PRKCI: variants seen among roughly 807,000 people sequenced by gnomAD.
PRKCI encodes the protein protein kinase C iota.
Under a neutral mutation model 84.0 loss-of-function variants are expected in PRKCI, and 43 were observed. That is an observed-to-expected ratio of 0.51 (90% CI 0.40 to 0.66). PRKCI has a LOEUF of 0.66. Ranked by LOEUF, PRKCI falls within the 30% of genes least tolerant of loss-of-function variation. The pLI is 0.00. For missense variants in PRKCI, 459 were observed against 745.6 expected, an observed-to-expected ratio of 0.62 and a Z score of 4.48; for synonymous variants, 216 against 234.4, an observed-to-expected ratio of 0.92 and a Z score of 0.72.
Position 170,281,255 on chromosome 3 carries a change from A to G in PRKCI, c.972A>G (p.Thr324=). 5 of 1,612,898 alleles carry G rather than the reference A, an allele frequency of 3.1e-6. No homozygotes were observed. The highest frequency in any genetic ancestry group is 4.2e-6 in the Non-Finnish European group (5 of 1,179,008). ...FLVGLHSCFQ[T]ESRLFFVIEY... ...TTGGGCTGCATTCTTGCTTTCAGAC[A>G]GAAAGCAGGTAAGATTGAAAGATAG... The change falls in exon 10 of 18, where the codon ACA becomes ACG. Residue 324 remains threonine (T), a synonymous_variant. Coordinates refer to ENST00000295797, the MANE Select transcript of PRKCI (RefSeq NM_002740.6).
chr3:170,282,029 C>T, intron 11 of PRKCI, 61 bp downstream of exon 11: 1 of 1,548,176 alleles, frequency 6.5e-7, no homozygotes, highest in Non-Finnish European at 8.8e-7. Context: ...TTTTTATGTG[C>T]AGTGGTTGGA....
chr3:170,233,846 A>C (rs1411385388), intron 1 of PRKCI, among the ~76,000 whole-genome samples: 1 of 150,628 alleles, frequency 6.6e-6, no homozygotes, highest in African/African-American at 2.4e-5. Flanking sequence ...TCAGCCTCCC[A>C]GGTAGCTGGG....
At position 170,282,053 on chromosome 3, in the gene PRKCI, T is replaced by C. The variant is rs529367164; in HGVS notation, c.1067+85T>C. 16 of 1,382,884 alleles carry C rather than the reference T, an allele frequency of 1.2e-5. No homozygotes were observed. The East Asian group carries it at 3.3e-4, about 29-fold the overall frequency. The allele number at this position is 1,382,884 out of a possible 1,614,324, so 85.7% of individuals were successfully genotyped here. On this transcript the variant is annotated intron_variant, in intron 11 of 17. Transcript: ENST00000295797. ...GCAGTGGTTGGAAACAGTAGATAAA[T>C]AATTTATTTTGATACTAGTTAATTA...
chr3:170,258,478 G>A (rs1733643081), intron 2 of PRKCI, among the ~76,000 whole-genome samples: 1 of 151,726 alleles, frequency 6.6e-6, no homozygotes, highest in African/African-American at 2.4e-5. Flanking sequence ...GCTAATTTTT[G>A]TATTTTTAGT....
At chr3:170,264,942 T>C (rs1483076779) in intron 4 of PRKCI, among the ~76,000 whole-genome samples, 2 of 151,918 alleles carry the variant, frequency 1.3e-5, no homozygotes, top group African/African-American at 4.8e-5. Context: ...CCCTAGCACT[T>C]TGGGAGGCTG....
chr3:170,289,265 C>T (rs1734476734), intron 12 of PRKCI, among the ~76,000 whole-genome samples: 1 of 152,116 alleles, frequency 6.6e-6, no homozygotes, highest in South Asian at 2.1e-4. Context: ...ATTCATATTT[C>T]TAAAAATAGC....
intron 2 of PRKCI, among the ~76,000 whole-genome samples, chr3:170,242,623 A>G (rs1733164045): frequency 6.6e-6 from 1 of 151,868 alleles, no homozygotes; most frequent in Non-Finnish European, 1.5e-5. Context: ...ACATTATTAC[A>G]TTATTTATAA....
chr3:170,252,594 CT>C (rs1271696517), intron 2 of PRKCI, among the ~76,000 whole-genome samples: 2 of 150,760 alleles, frequency 1.3e-5, no homozygotes, highest in African/African-American at 4.9e-5. Flanking sequence ...TTCTTTTTTA[CT>C]TTTTCTAACC....
intron 9 of PRKCI, among the ~76,000 whole-genome samples, chr3:170,280,866 G>T (rs754671327): frequency 6.6e-5 from 10 of 151,912 alleles, no homozygotes; most frequent in Admixed American, 1.3e-4. Flanking sequence ...CTTATAGATG[G>T]TATAAGATAT....
chr3:170,247,559 C>T (rs187918296), intron 2 of PRKCI, among the ~76,000 whole-genome samples: 70 of 151,340 alleles, frequency 4.6e-4, no homozygotes, highest in African/African-American at 1.5e-3. Flanking sequence ...GGAGAAATGC[C>T]GTCTCTACTA....
intron 2 of PRKCI, among the ~76,000 whole-genome samples, chr3:170,258,409 G>T (rs114130793): frequency 6.6e-6 from 1 of 151,804 alleles, no homozygotes; most frequent in Non-Finnish European, 1.5e-5. Context: ...AGGTTCAAGC[G>T]ATTCTTCTGC....
At chr3:170,247,513 C>T (rs1366893467) in intron 2 of PRKCI, among the ~76,000 whole-genome samples, 1 of 151,438 alleles carries the variant, frequency 6.6e-6, no homozygotes, top group East Asian at 1.9e-4. Flanking sequence ...GGCGGATCAC[C>T]TGAGGTCGGG....
intron 1 of PRKCI, among the ~76,000 whole-genome samples, chr3:170,231,363 C>T (rs1732790254): frequency 1.3e-5 from 2 of 152,072 alleles, no homozygotes; most frequent in African/African-American, 4.8e-5. Context: ...AACTTTCCAC[C>T]TTACTAATAA....
chr3:170,295,109 G>A (rs1734659584), intron 14 of PRKCI, among the ~76,000 whole-genome samples: 2 of 151,906 alleles, frequency 1.3e-5, no homozygotes, highest in Non-Finnish European at 2.9e-5. Context: ...CTACTCAGGA[G>A]GCTCAGGCAG....
At chr3:170,280,083 A>G in intron 8 of PRKCI, 144 bp from the exon 9 acceptor site, 1 of 717,396 alleles carries the variant, frequency 1.4e-6, no homozygotes, top group Non-Finnish European at 2.1e-6. Flanking sequence ...GTTTGGAATG[A>G]CATTTGAAAA....
rs765078716 is a variant in PRKCI, at chr3:170,241,134, G to GA, written c.223+5789dup. ...TCAATACATGTATATGTTGTGGAATGAAAAAATCAGGGTAATTAACACATC... is the reference window on the plus strand; with the variant it reads ...TCAATACATGTATATGTTGTGGAATGAAAAAAATCAGGGTAATTAACACATC... On this transcript the variant is annotated intron_variant, in intron 2 of 17. Coordinates refer to ENST00000295797, the MANE Select transcript of PRKCI (RefSeq NM_002740.6). Among the ~76,000 whole-genome samples the GA allele has an allele frequency of 1.5e-4, 23 of 152,164 alleles. 1 individual carries two copies. In the South Asian group the frequency reaches 2.1e-3, roughly 14 times the overall value.
chr3:170,250,272 G>GA (rs35474071), intron 2 of PRKCI, among the ~76,000 whole-genome samples: 27,350 of 104,232 alleles, frequency 0.26, 2,796 homozygotes, highest in Non-Finnish European at 0.27. Flanking sequence ...GACTTGGTCT[G>GA]AAAAAAAAAA....
At chr3:170,276,598 G>A (rs1734121949) in intron 8 of PRKCI, among the ~76,000 whole-genome samples, 1 of 151,970 alleles carries the variant, frequency 6.6e-6, no homozygotes, top group African/African-American at 2.4e-5. Context: ...ACAGGCATGT[G>A]TCACCACTGG....
At chr3:170,297,729 T>C (rs1734721153) in intron 16 of PRKCI, among the ~76,000 whole-genome samples, 1 of 151,906 alleles carries the variant, frequency 6.6e-6, no homozygotes, top group South Asian at 2.1e-4. Context: ...GTGCTGGGAT[T>C]ACAGATGTGA....
Sources: gnomAD v4.1 joint callset for allele counts (sites outside exome capture counted in the v4.1 genomes callset) on GRCh38, gnomAD v4.1.1 for gene constraint, MANE v1.5 for transcripts, NCBI Gene and HGNC (gene_info 2026-07-23, HGNC 2026-07-21) for gene names.